The following TUBGCP3 variants were observed in gnomAD, a reference collection of about 807,000 sequenced individuals.
TUBGCP3 encodes the protein tubulin gamma complex component 3, also known as gamma-tubulin complex component 3.
In TUBGCP3, 50 loss-of-function variants were observed where a neutral mutation model predicts 123.1. The ratio of observed to expected loss-of-function variants is 0.41; its 90% CI spans 0.32 to 0.51. The LOEUF is 0.51. Among genes scored for constraint, TUBGCP3 ranks in the 20% least tolerant of loss-of-function variants. The pLI is 0.36. For missense variants in TUBGCP3, 882 were observed against 1,127.0 expected (o/e 0.78, Z 3.11); for synonymous variants, 405 against 413.9 (o/e 0.98, Z 0.26).
chr13:112,539,593 A>G (rs776336315), intron 11 of TUBGCP3, among the ~76,000 whole-genome samples: 1 of 152,270 alleles, frequency 6.6e-6, no homozygotes, highest in Non-Finnish European at 1.5e-5. Flanking sequence ...AATGACTAGC[A>G]AATTTAAAAA....
Position 112,576,154 on chromosome 13 carries a change from C to T in TUBGCP3, c.77-6895G>A, listed in dbSNP as rs1428463337. 5.9e-5 allele frequency among the ~76,000 whole-genome samples: 9 copies of T among 152,234 alleles called. No individual in the cohort carries two copies. In the South Asian group the frequency reaches 1.2e-3, roughly 21 times the overall value. ...AAGACTTAAAAATTCATGGAATGAA[C>T]GTAATTCTGAACAGCTAAAAAATTT... On this transcript the variant is annotated intron_variant, in intron 1 of 21. Coordinates refer to ENST00000261965, the MANE Select transcript of TUBGCP3 (RefSeq NM_006322.6).
intron 1 of TUBGCP3, among the ~76,000 whole-genome samples, chr13:112,571,721 CTTACA>C (rs1308313687): frequency 1.3e-5 from 2 of 152,228 alleles, no homozygotes; most frequent in Admixed American, 1.3e-4. Flanking sequence ...GGGTGTTTCA[CTTACA>C]CTGAAAATCT....
At chr13:112,522,283 A>G (rs908093042) in intron 14 of TUBGCP3, 37 bp downstream of exon 14, 55 of 1,437,810 alleles carry the variant, frequency 3.8e-5, no homozygotes, top group Non-Finnish European at 5.0e-5. Flanking sequence ...CATGTCAAAT[A>G]TATTACTTAT....
chr13:112,561,313 A>G (rs982219133), intron 3 of TUBGCP3, among the ~76,000 whole-genome samples: 1 of 152,198 alleles, frequency 6.6e-6, no homozygotes, highest in South Asian at 2.1e-4. Flanking sequence ...AGGACCAAGG[A>G]GCCAAGCTGC....
At chr13:112,603,384 A>G in the TUBGCP3 span, 3 of 152,308 alleles carry the variant, frequency 2.0e-5, no homozygotes, top group South Asian at 2.1e-4. Flanking sequence ...AATATTTGGT[A>G]GATTTTGTTT....
intron 11 of TUBGCP3, among the ~76,000 whole-genome samples, chr13:112,537,793 G>C (rs1878187391): frequency 6.6e-6 from 1 of 152,176 alleles, no homozygotes; most frequent in Non-Finnish European, 1.5e-5. Flanking sequence ...AAAGTTTCCT[G>C]ATTAATGATT....
At chr13:112,505,926 G>A (rs1232305870) in intron 17 of TUBGCP3, among the ~76,000 whole-genome samples, 6 of 152,260 alleles carry the variant, frequency 3.9e-5, no homozygotes, top group South Asian at 2.1e-4. Flanking sequence ...CCTGGGTCTC[G>A]GGAAGGGGCT....
chr13:112,509,207 G>C (rs1397189898), intron 17 of TUBGCP3, among the ~76,000 whole-genome samples: 1 of 152,198 alleles, frequency 6.6e-6, no homozygotes, highest in Non-Finnish European at 1.5e-5. Context: ...ACGTCTGTCA[G>C]ATGCCTCATT....
chr13:112,547,614 TG>T lies in TUBGCP3; in HGVS notation c.1168+5del. ...AAGACGTGCGTGGGAAAGACGCGCG[TG>T]GGACCTTGGCAGTGGTCCACTAGGG... On this transcript the variant is annotated splice_donor_5th_base_variant and intron_variant, in intron 10 of 21. Transcript: ENST00000261965. 2.0e-6 allele frequency: 3 copies of T among 1,512,978 alleles called. No individual in the cohort carries two copies. The highest frequency in any genetic ancestry group is 2.7e-6 in the Non-Finnish European group (3 of 1,125,114). The allele number at this position is 1,512,978 out of a possible 1,614,324, so 93.7% of individuals were successfully genotyped here.
chr13:112,547,401 A>T, intron 10 of TUBGCP3: 1 of 704,258 alleles, frequency 1.4e-6, no homozygotes, highest in Non-Finnish European at 2.0e-6. Context: ...GTCGATTCCT[A>T]TCGAATCAAC....
chr13:112,581,191 AC>A (rs900544941), intron 1 of TUBGCP3, among the ~76,000 whole-genome samples: 17 of 150,320 alleles, frequency 1.1e-4, no homozygotes, highest in Non-Finnish European at 1.9e-4. Flanking sequence ...AAGGACTCAC[AC>A]CCCCCCATCT....
the TUBGCP3 span, chr13:112,603,212 C>T: frequency 6.6e-6 from 1 of 152,304 alleles, no homozygotes; most frequent in East Asian, 1.9e-4. Flanking sequence ...CTCCTCCAGG[C>T]TTCTCCATCC....
chr13:112,605,337 T>TAATAATAATAATAATAATAACAAC, the TUBGCP3 span: 45 of 147,282 alleles, frequency 3.1e-4, no homozygotes, highest in East Asian at 4.3e-3. Flanking sequence ...ATAATAATAA[T>TAATAATAATAATAATAATAACAAC]AACAACAGCT....
rs1275667974 is a variant in TUBGCP3, at chr13:112,489,611, T to C, written c.2535A>G (p.Ser845=). Reference sequence around the variant, plus strand: ...AGAAATGGGTCAATATTCGCAACTGTGAGCACATTTTTGGTATAGATTCTT... The same window carrying C: ...AGAAATGGGTCAATATTCGCAACTGCGAGCACATTTTTGGTATAGATTCTT... The part of the protein sequence containing the change: ...EFKESIPKMC[S]QLRILTHFYQ... Residue 845 remains serine (S), a synonymous_variant, in exon 21 of 22, where the codon TCA becomes TCG. Coordinates refer to ENST00000261965, the MANE Select transcript of TUBGCP3 (RefSeq NM_006322.6). The C allele has an allele frequency of 3.1e-6, 5 of 1,614,248 alleles. No homozygotes were observed. In the Admixed American group the frequency reaches 6.7e-5, roughly 22 times the overall value.
At chr13:112,510,886 T>TTTG in intron 17 of TUBGCP3, among the ~76,000 whole-genome samples, 1 of 152,264 alleles carries the variant, frequency 6.6e-6, no homozygotes, top group East Asian at 1.9e-4. Context: ...TCCAAAAGAC[T>TTTG]TTTGTTAAGG....
chr13:112,559,147 CACACTGACT>C (rs1880290876), intron 4 of TUBGCP3, among the ~76,000 whole-genome samples, 166 bp downstream of exon 4: 1 of 152,078 alleles, frequency 6.6e-6, no homozygotes, highest in African/African-American at 2.4e-5. Flanking sequence ...ATCAGGAAAC[CACACTGACT>C]AAAAATGTCC....
chr13:112,511,510 G>C lies in TUBGCP3; in HGVS notation c.2086+4930C>G, dbSNP rs1881671548. The stretch of plus-strand genomic sequence containing the variant: ...CTGGGCCGGTACTAAAGGCTGTGCT[G>C]CCGGAGCACAGAGCCCAGCTCCAGG... On this transcript the variant is annotated intron_variant, in intron 17 of 21. Coordinates refer to ENST00000261965, the MANE Select transcript of TUBGCP3 (RefSeq NM_006322.6). The surrounding 1 kb of genome is among the most constrained non-coding windows in gnomAD (Gnocchi z 4.1). Among the ~76,000 whole-genome samples, 1 of 152,114 alleles carries C rather than the reference G, an allele frequency of 6.6e-6. No homozygotes were observed. The highest frequency in any genetic ancestry group is 6.5e-5 in the Admixed American group (1 of 15,278).
Position 112,558,145 on chromosome 13 carries a change from C to T in TUBGCP3, c.548+51G>A, listed in dbSNP as rs372416470. 119 of 1,538,760 alleles carry T rather than the reference C, an allele frequency of 7.7e-5. No homozygotes were observed. The African/African-American group carries it at 1.4e-3, about 19-fold the overall frequency. On this transcript the variant is annotated intron_variant, in intron 5 of 21. Transcript: ENST00000261965. The stretch of plus-strand genomic sequence containing the variant: ...CAATGTCTGGTTAACAGCCTGCAGG[C>T]GTCTCTGTTTCTAACACATAGAGAA...
chr13:112,532,248 G>A (rs1020761443), intron 11 of TUBGCP3, among the ~76,000 whole-genome samples: 14 of 152,108 alleles, frequency 9.2e-5, no homozygotes, highest in African/African-American at 3.4e-4. Context: ...TATTTCAAGA[G>A]GTATGGCATA....
Sources: gnomAD v4.1 joint callset for allele counts (sites outside exome capture counted in the v4.1 genomes callset) on GRCh38, gnomAD v4.1.1 for gene constraint, Gnocchi (gnomAD v3.1) non-coding constraint, MANE v1.5 for transcripts, NCBI Gene and HGNC (gene_info 2026-07-23, HGNC 2026-07-21) for gene names.